The following HNRNPLL variants were observed in gnomAD, a reference collection of about 807,000 sequenced individuals.
The protein encoded by HNRNPLL is heterogeneous nuclear ribonucleoprotein L-like.
HNRNPLL carries 25 observed loss-of-function variants against 67.1 expected under a neutral mutation model. The observed-to-expected ratio is 0.37, with a 90% CI of 0.27 to 0.52. HNRNPLL has a LOEUF of 0.52. Among genes scored for constraint, HNRNPLL ranks in the 20% least tolerant of loss-of-function variants. HNRNPLL has a pLI of 0.90. For missense variants in HNRNPLL, 542 were observed against 673.9 expected (o/e 0.80, Z 2.17); for synonymous variants, 267 against 241.7 (o/e 1.10, Z -0.97).
intron 2 of HNRNPLL, among the ~76,000 whole-genome samples, chr2:38,587,357 G>GTAT (rs145931163): frequency 2.6e-5 from 4 of 151,844 alleles, no homozygotes; most frequent in African/African-American, 7.3e-5. Flanking sequence ...AACTATTACT[G>GTAT]TATTATTATT....
chr2:38,584,812 T>A (rs1666660034), intron 3 of HNRNPLL, among the ~76,000 whole-genome samples: 1 of 151,948 alleles, frequency 6.6e-6, no homozygotes, highest in South Asian at 2.1e-4. Flanking sequence ...CTTGAGCATC[T>A]ATAATTTACA....
intron 1 of HNRNPLL, among the ~76,000 whole-genome samples, chr2:38,592,510 C>A (rs1667003424): frequency 6.6e-6 from 1 of 152,212 alleles, no homozygotes; most frequent in South Asian, 2.1e-4. Context: ...AGGGTACCAT[C>A]TTTGCAAGGC....
At chr2:38,596,044 A>C (rs563258203) in intron 1 of HNRNPLL, among the ~76,000 whole-genome samples, 1 of 151,782 alleles carries the variant, frequency 6.6e-6, no homozygotes, top group African/African-American at 2.4e-5. Flanking sequence ...TTTAACACAC[A>C]ATTTTCTCAT....
intron 2 of HNRNPLL, 132 bp from the exon 3 acceptor site, chr2:38,586,013 A>G: frequency 1.5e-6 from 1 of 661,798 alleles, no homozygotes; most frequent in Non-Finnish European, 2.7e-6. Context: ...ACCTGTGTCC[A>G]ACGTAAGTCA....
chr2:38,568,869 A>G (rs374878252), intron 10 of HNRNPLL, among the ~76,000 whole-genome samples: 4 of 152,182 alleles, frequency 2.6e-5, no homozygotes, highest in Non-Finnish European at 4.4e-5. Context: ...ATGTCTTTAA[A>G]TAACTTTCTG....
intron 6 of HNRNPLL, chr2:38,577,912 GAC>G (rs1666361703): frequency 4.2e-6 from 2 of 473,172 alleles, no homozygotes; most frequent in Non-Finnish European, 8.7e-6. Flanking sequence ...ACTTTTGAAA[GAC>G]AGTACCTGAA....
intron 1 of HNRNPLL, 21 bp downstream of exon 1, chr2:38,602,416 CA>C (rs763983196): frequency 1.1e-5 from 17 of 1,546,076 alleles, no homozygotes; most frequent in Admixed American, 1.9e-5. Context: ...GCACAGCGGA[CA>C]GGGGGGCCGC....
Position 38,585,560 on chromosome 2 carries a change from G to T in HNRNPLL, c.546+84C>A, listed in dbSNP as rs957466842. On this transcript the variant is annotated intron_variant, in intron 3 of 12. Coordinates refer to ENST00000449105, the MANE Select transcript of HNRNPLL (RefSeq NM_138394.4). Reference sequence around the variant, plus strand: ...AAAACTATTTTCTAGTATCTAGATGGCAATGAAAAAACTACAGATCAGTCA... The same window carrying T: ...AAAACTATTTTCTAGTATCTAGATGTCAATGAAAAAACTACAGATCAGTCA... 18 of 778,386 alleles carry T rather than the reference G, an allele frequency of 2.3e-5. 1 individual carries two copies. In the South Asian group the frequency reaches 2.3e-4, roughly 10 times the overall value. 48.2% of individuals were successfully genotyped at this position (778,386 alleles called of 1,614,324 possible).
intron 1 of HNRNPLL, among the ~76,000 whole-genome samples, chr2:38,594,320 A>T (rs762915391): frequency 1.3e-5 from 2 of 152,230 alleles, no homozygotes; most frequent in Non-Finnish European, 2.9e-5. Flanking sequence ...GGTTAACATA[A>T]TAGAATTAAT....
At chr2:38,584,048 AAATT>A (rs1286492645) in intron 3 of HNRNPLL, 122 bp from the exon 4 acceptor site, 3 of 462,672 alleles carry the variant, frequency 6.5e-6, no homozygotes, top group Admixed American at 4.2e-5. Flanking sequence ...TTGATTAATA[AAATT>A]AATTCTTAAA....
intron 6 of HNRNPLL, chr2:38,577,896 T>A: frequency 1.1e-5 from 5 of 475,272 alleles, no homozygotes; most frequent in South Asian, 7.8e-5. Context: ...AAGCTTTAAG[T>A]GCAGTACTTT....
intron 2 of HNRNPLL, among the ~76,000 whole-genome samples, chr2:38,588,337 C>CA (rs1666814106): frequency 6.6e-6 from 1 of 151,938 alleles, no homozygotes; most frequent in African/African-American, 2.4e-5. Context: ...ATCACAAGGT[C>CA]AGGAGTTCAA....
At chr2:38,598,204 G>A (rs1432023306) in intron 1 of HNRNPLL, among the ~76,000 whole-genome samples, 6 of 152,088 alleles carry the variant, frequency 3.9e-5, no homozygotes, top group Admixed American at 6.6e-5. Context: ...TTAATTAGAC[G>A]GGGGAAGAGG....
intron 8 of HNRNPLL, among the ~76,000 whole-genome samples, 197 bp downstream of exon 8, chr2:38,573,013 T>C (rs1296145928): frequency 6.6e-6 from 1 of 152,038 alleles, no homozygotes; most frequent in Non-Finnish European, 1.5e-5. Context: ...ATATTTGTAG[T>C]ATCAACAACC....
At chr2:38,570,802 G>A (rs1302805960) in intron 8 of HNRNPLL, among the ~76,000 whole-genome samples, 1 of 151,976 alleles carries the variant, frequency 6.6e-6, no homozygotes, top group Non-Finnish European at 1.5e-5. Context: ...GCACTTTTGA[G>A]AGGCCAAGGT....
intron 10 of HNRNPLL, 145 bp downstream of exon 10, chr2:38,568,988 G>A: frequency 1.6e-6 from 1 of 622,914 alleles, no homozygotes; most frequent in Non-Finnish European, 2.8e-6. Context: ...AATGGTCAAA[G>A]AATAAACTAT....
At chr2:38,600,703 C>G (rs1667398372) in intron 1 of HNRNPLL, among the ~76,000 whole-genome samples, 1 of 151,450 alleles carries the variant, frequency 6.6e-6, no homozygotes, top group African/African-American at 2.4e-5. Context: ...CTGCTGCACT[C>G]CAGAGCTGCT....
intron 9 of HNRNPLL, 48 bp downstream of exon 9, chr2:38,569,756 A>C: frequency 9.5e-7 from 1 of 1,049,946 alleles, no homozygotes; most frequent in Non-Finnish European, 1.4e-6. Context: ...AAAAGGACAA[A>C]GATTTTTAAA....
At chr2:38,577,902 A>G (rs1394520195) in intron 6 of HNRNPLL, 2 of 474,512 alleles carry the variant, frequency 4.2e-6, no homozygotes, top group Non-Finnish European at 8.7e-6. Context: ...TAAGTGCAGT[A>G]CTTTTGAAAG....
Sources: allele counts gnomAD v4.1 joint callset (sites outside exome capture counted in the v4.1 genomes callset), GRCh38; gene constraint gnomAD v4.1.1; transcripts MANE v1.5; gene names NCBI Gene and HGNC (gene_info 2026-07-23, HGNC 2026-07-21).